CUL4A: variants seen among roughly 807,000 people sequenced by gnomAD.
The protein encoded by CUL4A is cullin-4A.
Under a neutral mutation model 95.5 loss-of-function variants are expected in CUL4A, and 16 were observed. The observed-to-expected ratio is 0.17, with a 90% confidence interval of 0.11 to 0.25. The LOEUF (loss-of-function observed/expected upper bound fraction) is 0.25. Ranked by LOEUF, CUL4A falls within the 10% of genes least tolerant of loss-of-function variation. CUL4A has a pLI of 1.00. For synonymous variants in CUL4A, 380 were observed against 353.1 expected, an observed-to-expected ratio of 1.08 and a Z score of -0.85; for missense variants, 610 against 937.0, an observed-to-expected ratio of 0.65 and a Z score of 4.56.
At chr13:113,252,984 T>C in intron 15 of CUL4A, 98 bp from the exon 16 acceptor site, 1 of 577,956 alleles carries the variant, frequency 1.7e-6, no homozygotes, top group Admixed American at 2.8e-5. Flanking sequence ...GACCTTTTAA[T>C]TCAGCCGTGA....
intron 2 of CUL4A, among the ~76,000 whole-genome samples, chr13:113,216,688 A>G (rs2040706101): frequency 1.3e-5 from 2 of 152,222 alleles, no homozygotes; most frequent in Admixed American, 1.3e-4. Flanking sequence ...TCTAAATCTC[A>G]AAGTATGATT....
At chr13:113,209,209 C>T (rs924020356), upstream of CUL4A, among the ~76,000 whole-genome samples, 3 of 147,158 alleles carry the variant, frequency 2.0e-5, no homozygotes, top group African/African-American at 7.5e-5. Flanking sequence ...GGCGCGCGCC[C>T]CGGGGCCCTC....
chr13:113,232,347 A>G (rs1179427620), intron 5 of CUL4A, among the ~76,000 whole-genome samples: 1 of 151,618 alleles, frequency 6.6e-6, no homozygotes, highest in Admixed American at 6.6e-5. Flanking sequence ...TGTCACCGCC[A>G]CCACCGCTAT....
In CUL4A at chr13:113,265,129, A is replaced by G. The variant is rs921754543; in HGVS notation, c.*1547A>G. 6.6e-6 allele frequency: 1 copy of G among 152,228 alleles called. No homozygotes were observed. Among genetic ancestry groups the G allele is most frequent in the African/African-American group, 2.4e-5 (1 of 41,460 alleles). The allele number at this position is 152,228 out of a possible 1,614,324, so 9.4% of individuals were successfully genotyped here. On this transcript the variant is annotated 3_prime_UTR_variant, in exon 20 of 20. Transcript: ENST00000375440. ...CTTTGACTACTAGTGCACTAGACAG[A>G]AGTCAGAGCAGGGAGCACCTGTCCC...
intron 2 of CUL4A, among the ~76,000 whole-genome samples, chr13:113,212,955 C>T (rs1250629231): frequency 6.6e-6 from 1 of 152,190 alleles, no homozygotes; most frequent in Non-Finnish European, 1.5e-5. Flanking sequence ...CATACATTTG[C>T]ACAGGTTTCT....
At chr13:113,238,694 C>T (rs867649147) in intron 9 of CUL4A, among the ~76,000 whole-genome samples, 1 of 152,126 alleles carries the variant, frequency 6.6e-6, no homozygotes, top group Non-Finnish European at 1.5e-5. Flanking sequence ...ATTTGGAGCT[C>T]TAGGTGAGGA....
At chr13:113,253,243 TATA>T (rs545283833) in intron 16 of CUL4A, 48 bp downstream of exon 16, 42 of 1,035,904 alleles carry the variant, frequency 4.1e-5, no homozygotes, top group Non-Finnish European at 5.1e-5. Flanking sequence ...AATATGTTAA[TATA>T]ATTTTTTTAT....
At chr13:113,233,068 T>G in intron 5 of CUL4A, 109 bp from the exon 6 acceptor site, 1 of 1,172,988 alleles carries the variant, frequency 8.5e-7, no homozygotes, top group Non-Finnish European at 1.2e-6. Context: ...TGTAGAGAAT[T>G]AGCAACTTCA....
At chr13:113,213,499 TGAA>T in intron 2 of CUL4A, among the ~76,000 whole-genome samples, 2 of 152,164 alleles carry the variant, frequency 1.3e-5, no homozygotes, top group African/African-American at 2.4e-5. Context: ...GAGTCCCACC[TGAA>T]CTCTCAGAGG....
upstream of CUL4A, chr13:113,208,788 G>A: frequency 7.0e-7 from 1 of 1,420,624 alleles, no homozygotes; most frequent in Non-Finnish European, 9.2e-7. Flanking sequence ...GACCGGCTCG[G>A]CGACGCGCTC....
At chr13:113,223,874 A>G (rs544775355) in intron 3 of CUL4A, among the ~76,000 whole-genome samples, 1 of 152,134 alleles carries the variant, frequency 6.6e-6, no homozygotes, top group South Asian at 2.1e-4. Flanking sequence ...TAAATTCTGC[A>G]CTTAGCTGTC....
chr13:113,213,449 A>T (rs1396089580), intron 2 of CUL4A, among the ~76,000 whole-genome samples: 1 of 150,074 alleles, frequency 6.7e-6, no homozygotes, highest in African/African-American at 2.5e-5. Context: ...TTTCAGGCAG[A>T]AAGTTAATAC....
At chr13:113,228,460 G>A (rs771873683) in intron 4 of CUL4A, among the ~76,000 whole-genome samples, 2 of 152,190 alleles carry the variant, frequency 1.3e-5, no homozygotes, top group Non-Finnish European at 2.9e-5. Context: ...AATTACTTAA[G>A]TGAGAGAACA....
Position 113,212,710 on chromosome 13 carries a change from G to A in CUL4A, c.264+2622G>A, listed in dbSNP as rs113955384. Among the ~76,000 whole-genome samples, 1,080 of 152,284 alleles carry A rather than the reference G, an allele frequency of 7.1e-3. 8 individuals carry two copies. The highest frequency in any genetic ancestry group is 0.011 in the Non-Finnish European group (782 of 68,030). On this transcript the variant is annotated intron_variant, in intron 2 of 19. Transcript: ENST00000375440. The stretch of plus-strand genomic sequence containing the variant: ...TGAGGCCGGAGAATCGCTTGAACCC[G>A]GGAGGCGGAGGTTGCAGTGAGCCGA...
At chr13:113,253,473 A>G (rs1453430278) in intron 16 of CUL4A, among the ~76,000 whole-genome samples, 1 of 152,238 alleles carries the variant, frequency 6.6e-6, no homozygotes, top group Non-Finnish European at 1.5e-5. Flanking sequence ...ATCTGTGAAG[A>G]TGCATTACAC....
At chr13:113,222,123 T>C (rs2040921452) in intron 3 of CUL4A, among the ~76,000 whole-genome samples, 1 of 151,656 alleles carries the variant, frequency 6.6e-6, no homozygotes, top group Non-Finnish European at 1.5e-5. Flanking sequence ...TGTGGGAGAG[T>C]TGACCACTGA....
intron 6 of CUL4A, 93 bp downstream of exon 6, chr13:113,233,432 CATA>C: frequency 8.1e-7 from 1 of 1,235,332 alleles, no homozygotes; most frequent in Non-Finnish European, 1.1e-6. Flanking sequence ...ACAATGAAAT[CATA>C]AAGGCATTTG....
chr13:113,237,152 C>T (rs756605036), intron 9 of CUL4A, among the ~76,000 whole-genome samples: 12 of 152,222 alleles, frequency 7.9e-5, no homozygotes, highest in Non-Finnish European at 1.2e-4. Flanking sequence ...TTCTGTACCA[C>T]ACTCATGCTG....
upstream of CUL4A, chr13:113,208,443 C>T (rs1037313276): frequency 6.6e-6 from 10 of 1,517,600 alleles, no homozygotes; most frequent in African/African-American, 5.6e-5. Flanking sequence ...TCCCGGCCGC[C>T]GCTGTTCGGC....
Sources: gnomAD v4.1 joint callset for allele counts (sites outside exome capture counted in the v4.1 genomes callset) on GRCh38, gnomAD v4.1.1 for gene constraint, MANE v1.5 for transcripts, NCBI Gene and HGNC (gene_info 2026-07-23, HGNC 2026-07-21) for gene names.